IL1RAPL2: variants seen among roughly 807,000 people sequenced by gnomAD.
IL1RAPL2 encodes interleukin 1 receptor accessory protein like 2.
In IL1RAPL2, 3 loss-of-function variants were observed where a neutral mutation model predicts 44.1. That is an observed-to-expected ratio of 0.07 (90% CI 0.03 to 0.18). IL1RAPL2 has a LOEUF of 0.18. IL1RAPL2 is among the 10% of genes least tolerant of loss of function. IL1RAPL2 has a pLI of 1.00. For synonymous variants in IL1RAPL2, 181 were observed against 178.8 expected (o/e 1.01, Z -0.10); for missense variants, 391 against 496.4 (o/e 0.79, Z 2.02).
intron 6 of IL1RAPL2, among the ~76,000 whole-genome samples, chrX:105,590,708 T>C (rs1173788665): frequency 9.0e-6 from 1 of 111,251 alleles, no homozygotes; most frequent in Admixed American, 9.6e-5. Flanking sequence ...GTATAAAGCC[T>C]ACTTGATTGT....
chrX:105,742,002 T>A (rs2038503998), intron 8 of IL1RAPL2, among the ~76,000 whole-genome samples: 1 of 111,464 alleles, frequency 9.0e-6, no homozygotes, highest in Non-Finnish European at 1.9e-5. Context: ...GTATTGATCA[T>A]GCCCAAACAC....
At chrX:104,713,016 G>C (rs893919548) in intron 2 of IL1RAPL2, among the ~76,000 whole-genome samples, 4 of 111,029 alleles carry the variant, frequency 3.6e-5, no homozygotes, top group African/African-American at 1.3e-4. Context: ...AGGTGTGTTT[G>C]CATCAGTTCT....
chrX:105,433,180 A>T (rs1302895323), intron 5 of IL1RAPL2, among the ~76,000 whole-genome samples: 1 of 110,925 alleles, frequency 9.0e-6, no homozygotes, highest in African/African-American at 3.3e-5. Context: ...CAATATAGTG[A>T]CTATCAATAT....
intron 2 of IL1RAPL2, among the ~76,000 whole-genome samples, chrX:104,900,830 G>C (rs969267242): frequency 3.6e-4 from 40 of 111,912 alleles, no homozygotes; most frequent in African/African-American, 1.2e-3. Flanking sequence ...CTCTGCCTCT[G>C]GTGGGAGGAG....
At chrX:104,942,291 A>G (rs1925202648) in intron 2 of IL1RAPL2, among the ~76,000 whole-genome samples, 1 of 112,127 alleles carries the variant, frequency 8.9e-6, no homozygotes. Context: ...TAGCTTAGGC[A>G]TTATTGCCAT....
intron 2 of IL1RAPL2, among the ~76,000 whole-genome samples, chrX:104,757,285 A>G (rs1364820658): frequency 2.7e-5 from 3 of 111,848 alleles, no homozygotes; most frequent in African/African-American, 9.7e-5. Flanking sequence ...CTGAATGCCT[A>G]CAAGGATGGC....
intron 3 of IL1RAPL2, among the ~76,000 whole-genome samples, chrX:105,223,392 T>C (rs1300105967): frequency 9.0e-6 from 1 of 111,461 alleles, no homozygotes; most frequent in African/African-American, 3.3e-5. Context: ...AGCTGTGTGC[T>C]ACCATTGGTG....
At chrX:104,828,929 TA>T (rs1240637749) in intron 2 of IL1RAPL2, among the ~76,000 whole-genome samples, 1 of 112,228 alleles carries the variant, frequency 8.9e-6, no homozygotes, top group African/African-American at 3.2e-5. Flanking sequence ...TTTACCCTGT[TA>T]GGGGAGAACG....
At chrX:104,830,357 A>G (rs923236209) in intron 2 of IL1RAPL2, among the ~76,000 whole-genome samples, 4 of 111,569 alleles carry the variant, frequency 3.6e-5, no homozygotes, top group Non-Finnish European at 7.5e-5. Flanking sequence ...ATATATCACT[A>G]TGGTATGTAG....
chrX:105,240,932 G>A (rs2034165595), intron 4 of IL1RAPL2, among the ~76,000 whole-genome samples: 3 of 111,440 alleles, frequency 2.7e-5, no homozygotes, highest in Non-Finnish European at 5.6e-5. Context: ...TTAGACCAGA[G>A]GCTGAGGCAT....
intron 2 of IL1RAPL2, among the ~76,000 whole-genome samples, chrX:104,660,551 T>A (rs745573376): frequency 6.3e-5 from 6 of 95,525 alleles, no homozygotes; most frequent in South Asian, 4.7e-4. Flanking sequence ...ATATATATAT[T>A]TTATATATAT....
At chrX:105,602,687 G>T (rs1282640558) in intron 6 of IL1RAPL2, among the ~76,000 whole-genome samples, 1 of 108,389 alleles carries the variant, frequency 9.2e-6, no homozygotes, top group Non-Finnish European at 1.9e-5. Flanking sequence ...AAGAGCAAGA[G>T]AAAAGTGTCA....
chrX:105,439,436 T>C (rs1461386533), intron 5 of IL1RAPL2, among the ~76,000 whole-genome samples: 1 of 106,385 alleles, frequency 9.4e-6, no homozygotes, highest in Non-Finnish European at 1.9e-5. Context: ...TAGACTCTAC[T>C]ATGATTCTTG....
chrX:105,457,251 A>G (rs1278805947), intron 5 of IL1RAPL2, among the ~76,000 whole-genome samples: 5 of 111,876 alleles, frequency 4.5e-5, no homozygotes, highest in African/African-American at 1.6e-4. Flanking sequence ...GTAAATATAC[A>G]TAACATAATA....
chrX:104,823,381 A>G (rs1973674834), intron 2 of IL1RAPL2, among the ~76,000 whole-genome samples: 2 of 110,870 alleles, frequency 1.8e-5, no homozygotes, highest in African/African-American at 6.6e-5. Context: ...TAGTTTACTG[A>G]GAATGATGTT....
At chrX:105,414,730 G>A (rs963590378) in intron 5 of IL1RAPL2, among the ~76,000 whole-genome samples, 4 of 111,875 alleles carry the variant, frequency 3.6e-5, no homozygotes, top group Non-Finnish European at 5.6e-5. Flanking sequence ...GAATCCCAAT[G>A]TAGGTACATT....
At chrX:105,510,144 G>T (rs1212694263) in intron 6 of IL1RAPL2, among the ~76,000 whole-genome samples, 1 of 111,377 alleles carries the variant, frequency 9.0e-6, no homozygotes, top group Non-Finnish European at 1.9e-5. Context: ...TGCCACTCTA[G>T]CCTGGGTGAC....
At chrX:104,680,532 T>C (rs1214597811) in intron 2 of IL1RAPL2, among the ~76,000 whole-genome samples, 1 of 111,713 alleles carries the variant, frequency 9.0e-6, no homozygotes, top group Non-Finnish European at 1.9e-5. Flanking sequence ...ATCCTGAAAT[T>C]CTTAATAATT....
rs143070104 is a variant in IL1RAPL2 at position 104,885,979 on chromosome X, C to A, written c.82+226984C>A. Among the ~76,000 whole-genome samples the A allele has an allele frequency of 1.2e-4, 13 of 112,766 alleles. No individual in the cohort carries two copies. In the East Asian group the frequency reaches 3.4e-3, roughly 29 times the overall value. ...GGGCAAGCGCCAGCTCATGTCATCA[C>A]CCTCACTGAGGCCTGGGTATGTTTA... is the stretch of plus-strand genomic sequence containing the variant. On this transcript the variant is annotated intron_variant, in intron 2 of 10. Coordinates refer to ENST00000372582, the MANE Select transcript of IL1RAPL2 (RefSeq NM_017416.2).
Sources: allele counts gnomAD v4.1 joint callset (sites outside exome capture counted in the v4.1 genomes callset), GRCh38; gene constraint gnomAD v4.1.1; transcripts MANE v1.5; gene names NCBI Gene and HGNC (gene_info 2026-07-23, HGNC 2026-07-21).